The following TLL1 variants were observed in gnomAD, a reference collection of about 807,000 sequenced individuals.
TLL1 encodes tolloid-like protein 1.
Under a neutral mutation model 128.2 loss-of-function variants are expected in TLL1, and 49 were observed. That is an observed-to-expected ratio of 0.38 (90% CI 0.30 to 0.48). TLL1 has a LOEUF of 0.48. TLL1 is among the 20% of genes least tolerant of loss of function. The probability of loss-of-function intolerance (pLI) is 0.96; values close to 1 mark genes in which losing one functional copy is unlikely to be tolerated. For synonymous variants in TLL1, 454 were observed against 418.8 expected, an observed-to-expected ratio of 1.08 and a Z score of -1.03; for missense variants, 1,123 against 1,242.0, an observed-to-expected ratio of 0.90 and a Z score of 1.44.
intron 1 of TLL1, among the ~76,000 whole-genome samples, chr4:165,909,005 T>C (rs1333921146): frequency 6.6e-6 from 1 of 152,130 alleles, no homozygotes; most frequent in Non-Finnish European, 1.5e-5. Flanking sequence ...GAGACCAACC[T>C]GGCCAACATG....
chr4:165,948,340 T>A (rs1734353633), intron 1 of TLL1, among the ~76,000 whole-genome samples: 2 of 152,060 alleles, frequency 1.3e-5, no homozygotes, highest in South Asian at 4.2e-4. Flanking sequence ...CTAAACTAGA[T>A]TTAGTTGAGA....
chr4:165,941,759 T>C (rs1443764981), intron 1 of TLL1, among the ~76,000 whole-genome samples: 2 of 152,110 alleles, frequency 1.3e-5, no homozygotes, highest in East Asian at 3.9e-4. Flanking sequence ...TAGCTGTTTA[T>C]TAGTGTTTAT....
At chr4:166,023,487 C>A (rs1215577378) in intron 8 of TLL1, among the ~76,000 whole-genome samples, 1 of 152,080 alleles carries the variant, frequency 6.6e-6, no homozygotes. Flanking sequence ...TTAGTAGTGC[C>A]CACTTTTTTG....
intron 12 of TLL1, among the ~76,000 whole-genome samples, chr4:166,049,207 T>A (rs1368171510): frequency 6.6e-6 from 1 of 152,148 alleles, no homozygotes; most frequent in Non-Finnish European, 1.5e-5. Context: ...CACTTGTTAG[T>A]TTCAATCAAC....
intron 1 of TLL1, among the ~76,000 whole-genome samples, chr4:165,877,254 G>A (rs1417915202): frequency 6.6e-6 from 1 of 152,218 alleles, no homozygotes; most frequent in Non-Finnish European, 1.5e-5. Flanking sequence ...AGACATTATA[G>A]GTATAAGTGA....
intron 8 of TLL1, among the ~76,000 whole-genome samples, chr4:166,023,326 G>A (rs1738330798): frequency 1.3e-5 from 2 of 152,142 alleles, no homozygotes; most frequent in South Asian, 4.1e-4. Context: ...CTTGAACCTG[G>A]GAGGTGGAGG....
intron 1 of TLL1, among the ~76,000 whole-genome samples, chr4:165,971,431 C>A (rs1384096113): frequency 6.6e-6 from 1 of 152,190 alleles, no homozygotes; most frequent in Non-Finnish European, 1.5e-5. Context: ...GTGACAGCAC[C>A]CCAAATCCTC....
intron 5 of TLL1, among the ~76,000 whole-genome samples, chr4:165,997,669 A>G (rs79689311): frequency 0.021 from 3,259 of 152,282 alleles, 123 homozygotes; most frequent in African/African-American, 0.074. Flanking sequence ...TTCATTTAAC[A>G]TTTATTGGTA....
intron 19 of TLL1, among the ~76,000 whole-genome samples, chr4:166,094,220 T>G (rs1741915979): frequency 6.6e-6 from 1 of 152,112 alleles, no homozygotes. Flanking sequence ...ACAAAGACAG[T>G]GAAAATCTGG....
chr4:165,902,233 C>T (rs976437579), intron 1 of TLL1, among the ~76,000 whole-genome samples: 3 of 152,050 alleles, frequency 2.0e-5, no homozygotes, highest in African/African-American at 7.2e-5. Flanking sequence ...GGCTTCAGCC[C>T]CCTTTCCAGG....
intron 12 of TLL1, among the ~76,000 whole-genome samples, chr4:166,046,661 C>T: frequency 6.6e-6 from 1 of 152,160 alleles, no homozygotes. Context: ...ACTGAGAAAA[C>T]ACGTGTGTCA....
chr4:166,058,167 G>A (rs781753658), intron 14 of TLL1, among the ~76,000 whole-genome samples: 182 of 151,546 alleles, frequency 1.2e-3, no homozygotes, highest in Non-Finnish European at 2.4e-3. Flanking sequence ...CTCATACCAG[G>A]CCACCATGTA....
At chr4:165,921,260 T>C (rs914835764) in intron 1 of TLL1, among the ~76,000 whole-genome samples, 4 of 152,222 alleles carry the variant, frequency 2.6e-5, no homozygotes, top group Admixed American at 6.5e-5. Flanking sequence ...AACAAAACTT[T>C]TATAAAAATC....
intron 6 of TLL1, among the ~76,000 whole-genome samples, chr4:166,004,023 G>A (rs1258528007): frequency 6.6e-6 from 1 of 152,026 alleles, no homozygotes; most frequent in Admixed American, 6.6e-5. Flanking sequence ...AAAATCCAGT[G>A]AAATGAGTCA....
At chr4:166,074,805 A>G (rs1740946200) in intron 16 of TLL1, 73 bp from the exon 17 acceptor site, 1 of 1,589,766 alleles carries the variant, frequency 6.3e-7, no homozygotes, top group African/African-American at 1.3e-5. Context: ...GTTAACCACA[A>G]CTAAATGACT....
At chr4:166,042,606 CT>C (rs1165346170) in intron 11 of TLL1, among the ~76,000 whole-genome samples, 2 of 152,268 alleles carry the variant, frequency 1.3e-5, no homozygotes, top group East Asian at 3.9e-4. Context: ...TTATTAAATG[CT>C]TTGTTTTATG....
At position 166,101,015 on chromosome 4, in the gene TLL1, T is replaced by A. The variant is rs1742262750; in HGVS notation, c.*139T>A. 26 of 1,140,894 alleles carry A rather than the reference T, an allele frequency of 2.3e-5. No homozygotes were observed. The highest frequency in any genetic ancestry group is 3.2e-5 in the Non-Finnish European group (26 of 804,570). The allele number at this position is 1,140,894 out of a possible 1,614,324, so 70.7% of individuals were successfully genotyped here. A position where few individuals can be genotyped will look rare whatever the true frequency, so the allele number is the denominator to read the frequency against. ...ATCCCTGTAAGACCAGAATTATCTT[T>A]GTACTAAAAGAGAAGTTTCCAGCAA... is the stretch of plus-strand genomic sequence containing the variant. On this transcript the variant is annotated 3_prime_UTR_variant, in exon 21 of 21. Coordinates refer to ENST00000061240, the MANE Select transcript of TLL1 (RefSeq NM_012464.5).
Position 166,044,546 on chromosome 4 carries a change from A to C in TLL1, c.1524+1127A>C, listed in dbSNP as rs115018404. On this transcript the variant is annotated intron_variant, in intron 12 of 20. Coordinates refer to ENST00000061240, the MANE Select transcript of TLL1 (RefSeq NM_012464.5). ...ATATATACTTTCTACTTTAATCATT[A>C]TGTTGTATTTTATGCTCCAGACCAT... 3.4e-3 allele frequency: 3,197 copies of C among 952,822 alleles called. 80 individuals are homozygous for C. In the African/African-American group the frequency reaches 0.047, roughly 14 times the overall value. The allele number at this position is 952,822 out of a possible 1,614,324, so 59.0% of individuals were successfully genotyped here.
intron 16 of TLL1, among the ~76,000 whole-genome samples, chr4:166,073,603 C>A (rs1428826409): frequency 6.6e-6 from 1 of 152,054 alleles, no homozygotes; most frequent in Non-Finnish European, 1.5e-5. Flanking sequence ...ATGATATATT[C>A]TTTAAAAACT....
Sources: allele counts gnomAD v4.1 joint callset (sites outside exome capture counted in the v4.1 genomes callset), GRCh38; gene constraint gnomAD v4.1.1; transcripts MANE v1.5; gene names NCBI Gene and HGNC (gene_info 2026-07-23, HGNC 2026-07-21).